BCAS3: variants seen among roughly 807,000 people sequenced by gnomAD.
BCAS3 encodes BCAS4/BCAS3 fusion.
In BCAS3, 53 loss-of-function variants were observed where a neutral mutation model predicts 116.1. The observed-to-expected ratio is 0.46, with a 90% CI of 0.37 to 0.57. The LOEUF is 0.57. BCAS3 is among the 20% of genes least tolerant of loss of function. BCAS3 has a pLI of 0.00. For missense variants in BCAS3, 917 were observed against 1,165.4 expected (o/e 0.79, Z 3.10); for synonymous variants, 391 against 408.2 (o/e 0.96, Z 0.51).
intron 4 of BCAS3, among the ~76,000 whole-genome samples, chr17:60,700,217 G>A (rs2036212662): frequency 6.6e-6 from 1 of 151,564 alleles, no homozygotes; most frequent in African/African-American, 2.4e-5. Context: ...GAAGTTTGGT[G>A]AGCAGTGGTG....
At chr17:61,237,777 G>C (rs969524060) in intron 22 of BCAS3, among the ~76,000 whole-genome samples, 5 of 152,164 alleles carry the variant, frequency 3.3e-5, no homozygotes, top group Non-Finnish European at 1.5e-5. Context: ...TGGACTGACC[G>C]TAGACCCCCA....
At position 61,368,663 on chromosome 17, in the gene BCAS3, G is replaced by A. The variant is rs2058871848; in HGVS notation, c.2593+169G>A. Among the ~76,000 whole-genome samples, 1 of 152,238 alleles carries A rather than the reference G, an allele frequency of 6.6e-6. No homozygotes were observed. Among genetic ancestry groups the A allele is most frequent in the South Asian group, 2.1e-4 (1 of 4,836 alleles). ...GAGCTCTGGTGTTGGGAAACCCTGTGTAAAGGGGAGCTCCCAGTGGAACTG... is the reference window on the plus strand; with the variant it reads ...GAGCTCTGGTGTTGGGAAACCCTGTATAAAGGGGAGCTCCCAGTGGAACTG... On this transcript the variant is annotated intron_variant, in intron 23 of 23. Coordinates refer to ENST00000407086, the MANE Select transcript of BCAS3 (RefSeq NM_017679.5). The surrounding 1 kb of genome is among the most constrained non-coding windows in gnomAD (Gnocchi z 6.0).
chr17:61,124,361 GAA>G lies in BCAS3; in HGVS notation c.2425+39798_2425+39799del, dbSNP rs1222808026. 6.6e-6 allele frequency among the ~76,000 whole-genome samples: 1 copy of G among 151,828 alleles called. No homozygotes were observed. Among genetic ancestry groups the G allele is most frequent in the Non-Finnish European group, 1.5e-5 (1 of 67,956 alleles). On this transcript the variant is annotated intron_variant, in intron 22 of 23. Coordinates refer to ENST00000407086, the MANE Select transcript of BCAS3 (RefSeq NM_017679.5). This position sits in a 1 kb window ranked among gnomAD's most constrained non-coding sequence, Gnocchi z 4.6. ...CCAAGATATAGCTTTTACTTGATCTGAATTTGTCAGTCTATAAAAGTAGGGAT... is the reference window on the plus strand; with the variant it reads ...CCAAGATATAGCTTTTACTTGATCTGTTTGTCAGTCTATAAAAGTAGGGAT...
In BCAS3 at chr17:61,333,898, G is replaced by C. The variant is rs2056497561; in HGVS notation, c.2426-34429G>C. On this transcript the variant is annotated intron_variant, in intron 22 of 23. Coordinates refer to ENST00000407086, the MANE Select transcript of BCAS3 (RefSeq NM_017679.5). This position sits in a 1 kb window ranked among gnomAD's most constrained non-coding sequence, Gnocchi z 4.8. ...GCCTCCCAAAGTGCTGGGATTACAG[G>C]CATGAGCCATGGTACCCTGCCAAGT... 1.3e-5 allele frequency among the ~76,000 whole-genome samples: 2 copies of C among 152,150 alleles called. No homozygotes were observed. Among genetic ancestry groups the C allele is most frequent in the South Asian group, 4.1e-4 (2 of 4,828 alleles).
At chr17:60,974,980 TTGTTTTTTTTGCTTTTTTG>T (rs2062208812) in intron 14 of BCAS3, among the ~76,000 whole-genome samples, 1 of 138,756 alleles carries the variant, frequency 7.2e-6, no homozygotes, top group African/African-American at 3.5e-5. Flanking sequence ...TTTGTTTTTT[TTGTTTTTTTTGCTTTTTTG>T]TTTTTTTTTT....
At chr17:61,005,564 A>G (rs1245302865) in intron 15 of BCAS3, among the ~76,000 whole-genome samples, 1 of 151,972 alleles carries the variant, frequency 6.6e-6, no homozygotes, top group African/African-American at 2.4e-5. Flanking sequence ...TGCATCTTTG[A>G]CACTTCTCAT....
At chr17:60,992,497 A>T (rs754823633) in intron 15 of BCAS3, among the ~76,000 whole-genome samples, 3 of 152,142 alleles carry the variant, frequency 2.0e-5, no homozygotes, top group Non-Finnish European at 4.4e-5. Flanking sequence ...GGACATAAAG[A>T]TGGGAATAGT....
chr17:61,150,375 G>A (rs1012442094), intron 22 of BCAS3, among the ~76,000 whole-genome samples: 1 of 152,212 alleles, frequency 6.6e-6, no homozygotes, highest in Non-Finnish European at 1.5e-5. Context: ...ATGGGTCACT[G>A]TGCTATTTCT....
At chr17:61,255,316 C>T (rs1053687086) in intron 22 of BCAS3, among the ~76,000 whole-genome samples, 1 of 152,186 alleles carries the variant, frequency 6.6e-6, no homozygotes, top group Admixed American at 6.5e-5. Context: ...CCAGGTCACC[C>T]GACAAGGTAA....
chr17:60,790,171 A>C (rs1222494499), intron 6 of BCAS3, among the ~76,000 whole-genome samples: 2 of 152,158 alleles, frequency 1.3e-5, no homozygotes, highest in Non-Finnish European at 2.9e-5. Flanking sequence ...TATGTGCCTG[A>C]TCTAGAGAGC....
rs1462413667 is a variant in BCAS3, at chr17:60,967,590, A to C, written c.1221+20238A>C. ...TTTATATCTTTCTTAAGTTTTAGAA[A>C]GTTTTCCATTATTATTTCTTTGGCT... On this transcript the variant is annotated intron_variant, in intron 14 of 23. Transcript: ENST00000407086. The surrounding 1 kb of genome is among the most constrained non-coding windows in gnomAD (Gnocchi z 4.7). 6.6e-6 allele frequency among the ~76,000 whole-genome samples: 1 copy of C among 152,054 alleles called. No homozygotes were observed.
rs890286954 is a variant in BCAS3, at chr17:61,229,720, G to T, written c.2426-138607G>T. 1.3e-5 allele frequency among the ~76,000 whole-genome samples: 2 copies of T among 152,188 alleles called. No individual in the cohort carries two copies. Among genetic ancestry groups the T allele is most frequent in the Non-Finnish European group, 2.9e-5 (2 of 68,038 alleles). On this transcript the variant is annotated intron_variant, in intron 22 of 23. Coordinates refer to ENST00000407086, the MANE Select transcript of BCAS3 (RefSeq NM_017679.5). The surrounding 1 kb of genome is among the most constrained non-coding windows in gnomAD (Gnocchi z 4.4). ...CTCCATTTACATAGCTCTAATAGTA[G>T]AGGAGAGATGCTTTATGCATCCCTC...
chr17:60,690,127 T>C (rs1380086174), intron 4 of BCAS3, among the ~76,000 whole-genome samples: 1 of 152,238 alleles, frequency 6.6e-6, no homozygotes, highest in Non-Finnish European at 1.5e-5. Context: ...AAATTGTTTT[T>C]TTCTGAACAG....
At chr17:60,940,660 T>G (rs930034824) in intron 13 of BCAS3, among the ~76,000 whole-genome samples, 1 of 152,230 alleles carries the variant, frequency 6.6e-6, no homozygotes, top group Non-Finnish European at 1.5e-5. Flanking sequence ...AGGTGTTAAT[T>G]GAAAAGTATT....
At chr17:60,772,000 G>A (rs1317499547) in intron 6 of BCAS3, among the ~76,000 whole-genome samples, 1 of 152,162 alleles carries the variant, frequency 6.6e-6, no homozygotes, top group African/African-American at 2.4e-5. Flanking sequence ...CTTGTGAATA[G>A]TGCCGCAATA....
intron 15 of BCAS3, among the ~76,000 whole-genome samples, chr17:61,003,332 C>T (rs549506307): frequency 2.7e-4 from 40 of 150,858 alleles, no homozygotes; most frequent in African/African-American, 7.5e-4. Context: ...TTTAAGAGAT[C>T]GTTATAAATT....
chr17:60,775,149 A>G (rs901197121), intron 6 of BCAS3, among the ~76,000 whole-genome samples: 15 of 152,222 alleles, frequency 9.9e-5, no homozygotes, highest in Admixed American at 7.9e-4. Flanking sequence ...TAAGTTTCAA[A>G]CACTTTGAAA....
At chr17:61,298,671 G>C (rs1435336148) in intron 22 of BCAS3, among the ~76,000 whole-genome samples, 1 of 152,188 alleles carries the variant, frequency 6.6e-6, no homozygotes, top group East Asian at 1.9e-4. Flanking sequence ...GCCCCCAAAG[G>C]GGACGTCCCA....
chr17:61,069,783 C>T, intron 19 of BCAS3: 1 of 671,744 alleles, frequency 1.5e-6, no homozygotes, highest in Admixed American at 2.5e-5. Context: ...CTGCAGTGAG[C>T]CGAGATCATG....
Sources: allele counts gnomAD v4.1 joint callset (sites outside exome capture counted in the v4.1 genomes callset), GRCh38; gene constraint gnomAD v4.1.1; non-coding constraint Gnocchi (gnomAD v3.1); transcripts MANE v1.5; gene names NCBI Gene and HGNC (gene_info 2026-07-23, HGNC 2026-07-21).